The following CHURC1 variants were observed in gnomAD, a reference collection of about 807,000 sequenced individuals.
CHURC1 encodes the protein protein Churchill.
In CHURC1, 12 loss-of-function variants were observed where a neutral mutation model predicts 15.4. The observed-to-expected ratio is 0.78, with a 90% CI of 0.50 to 1.27. The LOEUF (loss-of-function observed/expected upper bound fraction) is 1.27. CHURC1 is among the 50% of genes most tolerant of loss of function. The probability of loss-of-function intolerance (pLI) is 0.00; values close to 1 mark genes in which losing one functional copy is unlikely to be tolerated. For synonymous variants in CHURC1, 42 were observed against 47.5 expected, an observed-to-expected ratio of 0.88 and a Z score of 0.48; for missense variants, 132 against 137.8, an observed-to-expected ratio of 0.96 and a Z score of 0.21.
At position 64,934,359 on chromosome 14, in the gene CHURC1, C is replaced by A. The variant is rs1885228987; in HGVS notation, c.*2129C>A. On this transcript the variant is annotated 3_prime_UTR_variant, in exon 4 of 4. Transcript: ENST00000549115. The stretch of plus-strand genomic sequence containing the variant: ...CAAGACTCCATCTCAAAAACAAAAA[C>A]AAAACAAAACAACAACAAAAAAAGA... 2.2e-6 allele frequency: 2 copies of A among 921,304 alleles called. No homozygotes were observed. The highest frequency in any genetic ancestry group is 2.6e-6 in the Non-Finnish European group (2 of 774,502). The allele number at this position is 921,304 out of a possible 1,614,324, so 57.1% of individuals were successfully genotyped here.
At chr14:64,916,971 A>G (rs80294466) in intron 1 of CHURC1, among the ~76,000 whole-genome samples, 5,978 of 152,352 alleles carry the variant, frequency 0.039, 134 homozygotes, top group East Asian at 0.066. Context: ...GCCACCATCA[A>G]AATTTTAATA....
chr14:64,929,000 C>T (rs1407662302), intron 3 of CHURC1, among the ~76,000 whole-genome samples: 1 of 152,076 alleles, frequency 6.6e-6, no homozygotes, highest in Non-Finnish European at 1.5e-5. Flanking sequence ...ACCCCTCATC[C>T]CCTCTTTTTT....
rs1885212559 is a variant in CHURC1 at position 64,934,021 on chromosome 14, T to C, written c.*1791T>C. On this transcript the variant is annotated 3_prime_UTR_variant, in exon 4 of 4. Transcript: ENST00000549115. ...ATTCTTTATTTCAGTGTAGCACTTT[T>C]AGAGCCAAAAAAACTCAGGCACAAA... 1 of 972,540 alleles carries C rather than the reference T, an allele frequency of 1.0e-6. No individual in the cohort carries two copies. The highest frequency in any genetic ancestry group is 1.2e-6 in the Non-Finnish European group (1 of 826,992). 60.2% of individuals were successfully genotyped at this position (972,540 alleles called of 1,614,324 possible). A position where few individuals can be genotyped will look rare whatever the true frequency, so the allele number is the denominator to read the frequency against.
Position 64,924,090 on chromosome 14 carries a change from AAAG to A in CHURC1, c.147_149del (p.Glu49del), listed in dbSNP as rs755169391. On this transcript the variant is annotated inframe_deletion, in exon 2 of 4. Transcript: ENST00000549115. Reference sequence around the variant, plus strand: ...TATGCTGATCACAAACAAATCCTTGAAAGAAGAAGATGGAGAAGAAATAGTTAC... The same window carrying A: ...TATGCTGATCACAAACAAATCCTTGAAAGAAGATGGAGAAGAAATAGTTAC... The A allele has an allele frequency of 8.1e-6, 13 of 1,609,234 alleles. No homozygotes were observed. Among genetic ancestry groups the A allele is most frequent in the African/African-American group, 2.7e-5 (2 of 74,914 alleles).
At position 64,933,963 on chromosome 14, in the gene CHURC1, T is replaced by A; in HGVS notation, c.*1733T>A. 1 of 985,450 alleles carries A rather than the reference T, an allele frequency of 1.0e-6. No homozygotes were observed. Among genetic ancestry groups the A allele is most frequent in the Non-Finnish European group, 1.2e-6 (1 of 829,922 alleles). The allele number at this position is 985,450 out of a possible 1,614,324, so 61.0% of individuals were successfully genotyped here. A position where few individuals can be genotyped will look rare whatever the true frequency, so the allele number is the denominator to read the frequency against. On this transcript the variant is annotated 3_prime_UTR_variant, in exon 4 of 4. Coordinates refer to ENST00000549115, the MANE Select transcript of CHURC1 (RefSeq NM_001386928.1). ...GCCATAACCAGATATGGCTTGTTAT[T>A]TGTAAGTTATCATGAAAAGGTTTAT...
chr14:64,929,930 C>G (rs78603758), intron 3 of CHURC1, among the ~76,000 whole-genome samples: 6,791 of 139,202 alleles, frequency 0.049, 224 homozygotes, highest in East Asian at 0.077. Context: ...AAAAACCCTC[C>G]TAGCAAAAGC....
chr14:64,929,268 G>C (rs1201511083), intron 3 of CHURC1, among the ~76,000 whole-genome samples: 2 of 152,006 alleles, frequency 1.3e-5, no homozygotes, highest in Non-Finnish European at 2.9e-5. Flanking sequence ...TCCTTGATTT[G>C]AATATTCCCT....
rs1023424132 is a variant in CHURC1, at chr14:64,914,595, C to T, written c.39+61C>T. The T allele has an allele frequency of 3.1e-6, 5 of 1,608,068 alleles. No homozygotes were observed. The African/African-American group carries it at 6.7e-5, about 21-fold the overall frequency. ...CCCCCGAGGTGTCTCATATCCAAGG[C>T]TGGCCTTCCCAGAGAGGCCGTACGT... On this transcript the variant is annotated intron_variant, in intron 1 of 3. Coordinates refer to ENST00000549115, the MANE Select transcript of CHURC1 (RefSeq NM_001386928.1).
chr14:64,922,324 A>G (rs1021017109), intron 1 of CHURC1, among the ~76,000 whole-genome samples: 5 of 152,016 alleles, frequency 3.3e-5, no homozygotes, highest in Non-Finnish European at 7.4e-5. Context: ...CATTCCTGTA[A>G]TCCCAGCACT....
At chr14:64,921,300 TAGG>T (rs1185141670) in intron 1 of CHURC1, among the ~76,000 whole-genome samples, 2 of 152,066 alleles carry the variant, frequency 1.3e-5, no homozygotes, top group African/African-American at 4.8e-5. Context: ...AGAGATGTCT[TAGG>T]AGAAAAAAAG....
chr14:64,933,284 A>T lies in CHURC1; in HGVS notation c.*1054A>T. 1.4e-6 allele frequency: 1 copy of T among 714,600 alleles called. No homozygotes were observed. The highest frequency in any genetic ancestry group is 1.7e-6 in the Non-Finnish European group (1 of 582,266). 44.3% of individuals were successfully genotyped at this position (714,600 alleles called of 1,614,324 possible). On this transcript the variant is annotated 3_prime_UTR_variant, in exon 4 of 4. Transcript: ENST00000549115. ...GTAATGTGGTATCCTACATGGAATT[A>T]TATACCACGAAAAGAAAAAAAGGTC...
intron 1 of CHURC1, among the ~76,000 whole-genome samples, chr14:64,923,273 C>CAAAAAAAAAAAAAAAAAAAA (rs563823780): frequency 3.9e-5 from 4 of 103,314 alleles, no homozygotes; most frequent in Non-Finnish European, 4.0e-5. Context: ...TCTCAATTAC[C>CAAAAAAAAAAAAAAAAAAAA]AAAAAAAAAA....
At chr14:64,920,811 T>A (rs1884233703) in intron 1 of CHURC1, among the ~76,000 whole-genome samples, 1 of 152,232 alleles carries the variant, frequency 6.6e-6, no homozygotes, top group South Asian at 2.1e-4. Context: ...TCCTTGGCAG[T>A]CAGATTTTAT....
At position 64,924,007 on chromosome 14, in the gene CHURC1, A is replaced by T. The variant is rs1265756445; in HGVS notation, c.56A>T (p.Glu19Val). 6.4e-7 allele frequency: 1 copy of T among 1,565,152 alleles called. No individual in the cohort carries two copies. The highest frequency in any genetic ancestry group is 1.4e-5 in the African/African-American group (1 of 73,690). The change falls in exon 2 of 4, where the codon GAG becomes GTG. Residue 19 changes from glutamate to valine, a missense_variant. Coordinates refer to ENST00000549115, the MANE Select transcript of CHURC1 (RefSeq NM_001386928.1). ...EYPNRGNTCL[E>V]NGSFLLNFTG... ...ATATTTTAGGGTAATACCTGCCTGGAGAATGGATCTTTCTTACTGAACTTT... is the reference window on the plus strand; with the variant it reads ...ATATTTTAGGGTAATACCTGCCTGGTGAATGGATCTTTCTTACTGAACTTT...
chr14:64,914,706 T>G (rs1317503403), intron 1 of CHURC1, among the ~76,000 whole-genome samples, 172 bp downstream of exon 1: 2 of 152,224 alleles, frequency 1.3e-5, no homozygotes, highest in African/African-American at 4.8e-5. Flanking sequence ...GGTCTGCACC[T>G]CTGGTACCCG....
intron 3 of CHURC1, among the ~76,000 whole-genome samples, chr14:64,928,936 A>C (rs959467697): frequency 6.6e-6 from 1 of 152,152 alleles, no homozygotes; most frequent in African/African-American, 2.4e-5. Flanking sequence ...ACTCAGTCTC[A>C]GTAGAGACCT....
At position 64,934,976 on chromosome 14, in the gene CHURC1, A is replaced by G. The variant is rs901302574; in HGVS notation, c.*2746A>G. The G allele has an allele frequency of 2.0e-6, 2 of 984,540 alleles. No homozygotes were observed. The highest frequency in any genetic ancestry group is 3.5e-5 in the African/African-American group (2 of 57,184). The allele number at this position is 984,540 out of a possible 1,614,324, so 61.0% of individuals were successfully genotyped here. A position where few individuals can be genotyped will look rare whatever the true frequency, so the allele number is the denominator to read the frequency against. ...TCTAGATTCTTATGTGGATCTAATA[A>G]CGACCACTTGAACCCAGTTTCACAG... On this transcript the variant is annotated 3_prime_UTR_variant, in exon 4 of 4. Transcript: ENST00000549115.
At chr14:64,929,438 A>C (rs1314884596) in intron 3 of CHURC1, among the ~76,000 whole-genome samples, 1 of 151,956 alleles carries the variant, frequency 6.6e-6, no homozygotes, top group Non-Finnish European at 1.5e-5. Flanking sequence ...GGGAACTTCT[A>C]CCTCAGCCTA....
At chr14:64,917,290 C>T (rs915157717) in intron 1 of CHURC1, among the ~76,000 whole-genome samples, 12 of 151,952 alleles carry the variant, frequency 7.9e-5, no homozygotes, top group African/African-American at 1.9e-4. Flanking sequence ...AGTCTGGGCA[C>T]GGTGGCTCAC....
Sources: allele counts gnomAD v4.1 joint callset (sites outside exome capture counted in the v4.1 genomes callset), GRCh38; gene constraint gnomAD v4.1.1; transcripts MANE v1.5; gene names NCBI Gene and HGNC (gene_info 2026-07-23, HGNC 2026-07-21).